Variants in ASIC2 observed in about 807,000 individuals in gnomAD.
ASIC2 encodes acid sensing ion channel subunit 2.
A neutral mutation model predicts 57.3 loss-of-function variants in ASIC2; 25 were observed. That is an observed-to-expected ratio of 0.44 (90% CI 0.32 to 0.61). The LOEUF (loss-of-function observed/expected upper bound fraction) is 0.61. Among genes scored for constraint, ASIC2 ranks in the 20% least tolerant of loss-of-function variants. ASIC2 has a pLI of 0.06. For synonymous variants in ASIC2, 319 were observed against 307.5 expected (o/e 1.04, Z -0.39); for missense variants, 641 against 738.1 (o/e 0.87, Z 1.52).
chr17:33,820,161 T>C (rs979729487), intron 1 of ASIC2, among the ~76,000 whole-genome samples: 6 of 152,212 alleles, frequency 3.9e-5, no homozygotes, highest in African/African-American at 1.4e-4. Context: ...TTTTTAATTA[T>C]ATTTAAATTT....
chr17:34,156,625 C>A lies in ASIC2; in HGVS notation c.-93G>T. 1 of 1,350,436 alleles carries A rather than the reference C, an allele frequency of 7.4e-7. No individual in the cohort carries two copies. Among genetic ancestry groups the A allele is most frequent in the South Asian group, 1.5e-5 (1 of 67,336 alleles). The allele number at this position is 1,350,436 out of a possible 1,614,324, so 83.7% of individuals were successfully genotyped here. A position where few individuals can be genotyped will look rare whatever the true frequency, so the allele number is the denominator to read the frequency against. On this transcript the variant is annotated 5_prime_UTR_variant, in exon 1 of 10. Transcript: ENST00000359872. This position sits in a 1 kb window ranked among gnomAD's most constrained non-coding sequence, Gnocchi z 4.4. ...CGGGCTCTGCTTAAACCTTGACGTT[C>A]AGGGGAGAGAACGCAAGGCAAGCAT...
chr17:33,269,613 C>CCCTCCCTTCCTTCCTTCCTTCCTT (rs1904365417), intron 1 of ASIC2, among the ~76,000 whole-genome samples: 27 of 73,422 alleles, frequency 3.7e-4, no homozygotes, highest in Non-Finnish European at 5.1e-4. Flanking sequence ...AGGGCTCCTT[C>CCCTCCCTTCCTTCCTTCCTTCCTT]CCTTCCTTCC....
In ASIC2 at chr17:33,784,303, C is replaced by T. The variant is rs143877020; in HGVS notation, c.555+371675G>A. On this transcript the variant is annotated intron_variant, in intron 1 of 9. Coordinates refer to the ASIC2 transcript ENST00000359872. ...GTTCTGGCAATGCCTGGCATGTACG[C>T]GGAAATACAAACTCTTAAACTTACT... Among the ~76,000 whole-genome samples the T allele has an allele frequency of 6.9e-4, 105 of 152,210 alleles. No individual in the cohort carries two copies. In the East Asian group the frequency reaches 0.013, roughly 19 times the overall value.
chr17:33,058,650 G>A (rs77538417), intron 3 of ASIC2, among the ~76,000 whole-genome samples: 89 of 151,740 alleles, frequency 5.9e-4, no homozygotes, highest in East Asian at 5.0e-3. Flanking sequence ...TCTTCCTTTC[G>A]GCCCCTACTC....
chr17:33,875,360 A>G (rs1914521841), intron 1 of ASIC2, among the ~76,000 whole-genome samples: 1 of 152,234 alleles, frequency 6.6e-6, no homozygotes. Context: ...CCATCCCAGC[A>G]TCCTCTTGCT....
chr17:33,722,561 G>A (rs974422379), intron 1 of ASIC2, among the ~76,000 whole-genome samples: 3 of 151,260 alleles, frequency 2.0e-5, no homozygotes, highest in African/African-American at 4.9e-5. Context: ...GAAGCCAGGA[G>A]TTAGAGACCT....
At chr17:34,028,524 A>G (rs144217547) in intron 1 of ASIC2, among the ~76,000 whole-genome samples, 81 of 152,306 alleles carry the variant, frequency 5.3e-4, no homozygotes, top group African/African-American at 1.8e-3. Flanking sequence ...CTTCATACAC[A>G]TTCACTTCCA....
chr17:33,898,180 A>T (rs1405001732), intron 1 of ASIC2, among the ~76,000 whole-genome samples: 1 of 148,062 alleles, frequency 6.8e-6, no homozygotes, highest in East Asian at 2.0e-4. Context: ...TTTTAGACTT[A>T]CAGAGAAACT....
chr17:33,232,503 T>TGGTATGGTAC (rs1555584467), intron 1 of ASIC2, among the ~76,000 whole-genome samples: 9,107 of 133,722 alleles, frequency 0.068, 449 homozygotes, highest in Non-Finnish European at 0.079. Context: ...TGGTACGGTA[T>TGGTATGGTAC]GGTATGGTAT....
chr17:33,443,563 G>A (rs987771945), intron 1 of ASIC2, among the ~76,000 whole-genome samples: 23 of 129,462 alleles, frequency 1.8e-4, no homozygotes, highest in African/African-American at 5.8e-4. Context: ...ACAGGCGCCC[G>A]CCACTACGCC....
chr17:34,072,762 T>G (rs897402742), intron 1 of ASIC2, among the ~76,000 whole-genome samples: 1 of 152,252 alleles, frequency 6.6e-6, no homozygotes, highest in African/African-American at 2.4e-5. Context: ...CATTTTTATA[T>G]TCCTGAGAAA....
chr17:33,607,666 T>G (rs554207858), intron 1 of ASIC2, among the ~76,000 whole-genome samples: 1 of 152,352 alleles, frequency 6.6e-6, no homozygotes, highest in South Asian at 2.1e-4. Context: ...GATCCCTGCC[T>G]TGTGACTCTC....
At chr17:33,667,559 G>A (rs78496377) in intron 1 of ASIC2, among the ~76,000 whole-genome samples, 3 of 152,130 alleles carry the variant, frequency 2.0e-5, no homozygotes, top group Admixed American at 2.0e-4. Flanking sequence ...GTGGGCTTCC[G>A]AACCAGACAG....
intron 1 of ASIC2, among the ~76,000 whole-genome samples, chr17:33,685,764 C>T (rs1487993938): frequency 1.3e-5 from 2 of 152,178 alleles, no homozygotes; most frequent in African/African-American, 4.8e-5. Context: ...ATGGCAGAGT[C>T]CACCAGCCCC....
intron 1 of ASIC2, among the ~76,000 whole-genome samples, chr17:33,176,132 C>T (rs1303819477): frequency 1.3e-5 from 2 of 152,178 alleles, no homozygotes; most frequent in Admixed American, 1.3e-4. Flanking sequence ...AGCCCCACTC[C>T]TCCTTGGAGA....
chr17:33,619,824 C>T (rs1905723541), intron 1 of ASIC2, among the ~76,000 whole-genome samples: 1 of 151,732 alleles, frequency 6.6e-6, no homozygotes, highest in African/African-American at 2.4e-5. Context: ...GAGTATGCAA[C>T]CTAGCAGATA....
intron 1 of ASIC2, chr17:33,581,175 G>T (rs2141999758): frequency 6.6e-6 from 1 of 152,350 alleles, no homozygotes; most frequent in Non-Finnish European, 1.5e-5. Context: ...GAGGACAGCA[G>T]GTGAAGTCAG....
chr17:33,116,854 A>ATTT (rs992193487), intron 1 of ASIC2, among the ~76,000 whole-genome samples: 2 of 145,850 alleles, frequency 1.4e-5, no homozygotes, highest in African/African-American at 5.0e-5. Context: ...GTTTTATATA[A>ATTT]TTTTTTTTTT....
At chr17:34,047,962 A>G (rs564195141) in intron 1 of ASIC2, among the ~76,000 whole-genome samples, 1 of 152,360 alleles carries the variant, frequency 6.6e-6, no homozygotes, top group African/African-American at 2.4e-5. Context: ...AATAATGCTT[A>G]AACTCCACAC....
Sources: allele counts gnomAD v4.1 joint callset (sites outside exome capture counted in the v4.1 genomes callset), GRCh38; gene constraint gnomAD v4.1.1; non-coding constraint Gnocchi (gnomAD v3.1); transcripts MANE v1.5; gene names NCBI Gene and HGNC (gene_info 2026-07-23, HGNC 2026-07-21).